NXN: variants seen among roughly 807,000 people sequenced by gnomAD.
NXN encodes the protein nucleoredoxin 1.
A neutral mutation model predicts 48.6 loss-of-function variants in NXN; 16 were observed. The ratio of observed to expected loss-of-function variants is 0.33; its 90% CI spans 0.22 to 0.50. NXN has a LOEUF of 0.50. Ranked by LOEUF, NXN falls within the 20% of genes least tolerant of loss-of-function variation. NXN has a pLI of 0.98. For missense variants in NXN, 492 were observed against 605.5 expected (o/e 0.81, Z 1.97); for synonymous variants, 281 against 269.6 (o/e 1.04, Z -0.41).
chr17:809,969 T>C (rs80190857), intron 5 of NXN, among the ~76,000 whole-genome samples: 7,067 of 79,734 alleles, frequency 0.089, 466 homozygotes, highest in East Asian at 0.16. Flanking sequence ...GAGTGGCGTG[T>C]ACGTTACGAG....
At chr17:976,047 A>G (rs2069453496) in intron 1 of NXN, among the ~76,000 whole-genome samples, 1 of 152,240 alleles carries the variant, frequency 6.6e-6, no homozygotes, top group East Asian at 1.9e-4. Flanking sequence ...GCACAGCTAT[A>G]TAATAATGTG....
At chr17:976,010 T>C (rs1183870998) in intron 1 of NXN, among the ~76,000 whole-genome samples, 1 of 152,190 alleles carries the variant, frequency 6.6e-6, no homozygotes, top group Non-Finnish European at 1.5e-5. Flanking sequence ...GCTCTCAAAG[T>C]TCTATTACCA....
intron 1 of NXN, among the ~76,000 whole-genome samples, chr17:957,648 A>G (rs1000121530): frequency 3.4e-4 from 49 of 146,244 alleles, no homozygotes; most frequent in Non-Finnish European, 1.5e-4. Flanking sequence ...AAAAAAAAGC[A>G]TTTCTGCAAC....
chr17:936,091 CAAAAAAA>C, intron 1 of NXN, among the ~76,000 whole-genome samples: 1 of 61,816 alleles, frequency 1.6e-5, no homozygotes, highest in South Asian at 7.3e-4. Flanking sequence ...GATTCCATCT[CAAAAAAA>C]AAAAAAAAAA....
chr17:848,107 G>A (rs929645740), intron 1 of NXN, among the ~76,000 whole-genome samples: 27 of 151,854 alleles, frequency 1.8e-4, no homozygotes, highest in East Asian at 1.9e-4. Flanking sequence ...AACCCCTGAC[G>A]ATTCATTTCC....
intron 1 of NXN, among the ~76,000 whole-genome samples, chr17:952,909 C>T (rs114059175): frequency 0.027 from 4,027 of 147,578 alleles, 288 homozygotes; most frequent in African/African-American, 0.1. Flanking sequence ...GGAATGACGG[C>T]CAGCAGAGCC....
chr17:801,417 C>G (rs1303332846), intron 7 of NXN, among the ~76,000 whole-genome samples: 1 of 150,472 alleles, frequency 6.6e-6, no homozygotes, highest in Non-Finnish European at 1.5e-5. Context: ...TTTAATACGT[C>G]CTCAGCATTT....
intron 1 of NXN, among the ~76,000 whole-genome samples, chr17:914,747 T>C (rs1321424555): frequency 6.6e-6 from 1 of 152,122 alleles, no homozygotes; most frequent in African/African-American, 2.4e-5. Flanking sequence ...ACAGGGAGCG[T>C]ACCGTGATGT....
At chr17:844,018 G>A (rs118118742) in intron 1 of NXN, among the ~76,000 whole-genome samples, 4 of 152,226 alleles carry the variant, frequency 2.6e-5, no homozygotes, top group Admixed American at 2.0e-4. Context: ...GCAAAAACAC[G>A]CCTGTCCAGG....
intron 1 of NXN, among the ~76,000 whole-genome samples, chr17:850,427 CAT>C (rs1291558827): frequency 2.0e-5 from 3 of 152,246 alleles, no homozygotes; most frequent in Non-Finnish European, 4.4e-5. Flanking sequence ...AAACGTTTCA[CAT>C]GTGTGTGGAC....
intron 1 of NXN, among the ~76,000 whole-genome samples, chr17:957,611 G>A (rs1306088935): frequency 6.8e-5 from 10 of 147,110 alleles, no homozygotes; most frequent in African/African-American, 1.5e-4. Flanking sequence ...CAGCCTGGGC[G>A]ACAGAGCAAG....
At chr17:914,886 T>C (rs1331966188) in intron 1 of NXN, among the ~76,000 whole-genome samples, 1 of 152,130 alleles carries the variant, frequency 6.6e-6, no homozygotes, top group Non-Finnish European at 1.5e-5. Context: ...GAGATGAGTT[T>C]TCCTAAAATA....
chr17:948,559 C>T (rs561373334), intron 1 of NXN, among the ~76,000 whole-genome samples: 9 of 152,070 alleles, frequency 5.9e-5, no homozygotes, highest in South Asian at 2.1e-4. Flanking sequence ...GGGGACCTAG[C>T]GGTGAACAAG....
intron 1 of NXN, among the ~76,000 whole-genome samples, chr17:918,935 T>C (rs1246258859): frequency 6.8e-6 from 1 of 146,108 alleles, no homozygotes; most frequent in Non-Finnish European, 1.5e-5. Flanking sequence ...CAAGGTGGCG[T>C]GCGCCTGTAG....
At chr17:873,493 C>CAAAAAAAAAAAAAAAAAAA (rs71145783) in intron 1 of NXN, among the ~76,000 whole-genome samples, 10 of 74,994 alleles carry the variant, frequency 1.3e-4, no homozygotes, top group African/African-American at 4.4e-4. Flanking sequence ...ACACTGTCTC[C>CAAAAAAAAAAAAAAAAAAA]AAAAAAAAAA....
intron 1 of NXN, among the ~76,000 whole-genome samples, chr17:842,958 A>AAGAG (rs1555613089): frequency 1.5e-5 from 2 of 136,388 alleles, no homozygotes; most frequent in African/African-American, 5.4e-5. Context: ...AAAGGAAAGA[A>AAGAG]AGAAAGAGAG....
rs1914270080 is a variant in NXN, at chr17:841,550, CGAGCAGGTCCCCCCTGACCACGGA to C, written c.361-15496_361-15473del. Among the ~76,000 whole-genome samples the C allele has an allele frequency of 1.6e-4, 17 of 108,634 alleles. No individual in the cohort carries two copies. The South Asian group carries it at 2.0e-3, about 13-fold the overall frequency. 71.3% of individuals were successfully genotyped at this position (108,634 alleles called of 152,430 possible). On this transcript the variant is annotated intron_variant, in intron 1 of 7. Coordinates refer to ENST00000336868, the MANE Select transcript of NXN (RefSeq NM_022463.5). ...CCGACCATGGAGCATCTCACGCCGG[CGAGCAGGTCCCCCCTGACCACGGA>C]GCATCTCACGCCGGCGAGCAGGTCC...
intron 5 of NXN, among the ~76,000 whole-genome samples, chr17:814,073 C>A (rs916107640): frequency 6.6e-6 from 1 of 151,764 alleles, no homozygotes; most frequent in Non-Finnish European, 1.5e-5. Flanking sequence ...CCAGGCTGGC[C>A]AACATGGTGA....
At chr17:803,852 G>A in intron 6 of NXN, 46 bp from the exon 7 acceptor site, 1 of 1,610,600 alleles carries the variant, frequency 6.2e-7, no homozygotes, top group South Asian at 1.1e-5. Context: ...AAAAAGCACT[G>A]GCTTGTCAAA....
Sources: allele counts gnomAD v4.1 joint callset (sites outside exome capture counted in the v4.1 genomes callset), GRCh38; gene constraint gnomAD v4.1.1; transcripts MANE v1.5; gene names NCBI Gene and HGNC (gene_info 2026-07-23, HGNC 2026-07-21).